SLC23A1: variants seen among roughly 807,000 people sequenced by gnomAD.
SLC23A1 encodes solute carrier family 23 member 1.
Under a neutral mutation model 62.5 loss-of-function variants are expected in SLC23A1, and 31 were observed. That is an observed-to-expected ratio of 0.50 (90% CI 0.37 to 0.67). The LOEUF (loss-of-function observed/expected upper bound fraction) is 0.67, where lower values mean the gene tolerates loss of function less well. Ranked by LOEUF, SLC23A1 falls within the 30% of genes least tolerant of loss-of-function variation. SLC23A1 has a pLI of 0.00. For missense variants in SLC23A1, 640 were observed against 782.7 expected (o/e 0.82, Z 2.18); for synonymous variants, 271 against 313.2 (o/e 0.87, Z 1.42).
intron 14 of SLC23A1, chr5:139,369,042 A>G (rs1035591935): frequency 8.0e-6 from 3 of 374,452 alleles, no homozygotes; most frequent in Non-Finnish European, 1.4e-5. Flanking sequence ...AAGAAGCACC[A>G]GTCAAGTTGT....
At chr5:139,369,288 G>A (rs1475177537) in intron 14 of SLC23A1, 2 of 153,138 alleles carry the variant, frequency 1.3e-5, no homozygotes, top group Admixed American at 6.5e-5. Context: ...TCATATTACT[G>A]AGGCTACAAG....
chr5:139,373,067 A>G (rs998687337), intron 13 of SLC23A1, among the ~76,000 whole-genome samples: 4 of 152,212 alleles, frequency 2.6e-5, no homozygotes, highest in Non-Finnish European at 5.9e-5. Context: ...TTATGATTCC[A>G]TATGTGAAAA....
intron 13 of SLC23A1, among the ~76,000 whole-genome samples, chr5:139,376,464 G>A (rs1757952545): frequency 6.6e-6 from 1 of 152,112 alleles, no homozygotes; most frequent in African/African-American, 2.4e-5. Context: ...CACCATGCTC[G>A]GCCGTGATGT....
intron 1 of SLC23A1, 26 bp downstream of exon 1, chr5:139,383,192 T>A: frequency 1.1e-5 from 1 of 91,178 alleles, no homozygotes; most frequent in South Asian, 1.3e-4. Context: ...CTGCCCCCCC[T>A]AGCCCCCACC....
In SLC23A1 at chr5:139,379,587, A is replaced by T; in HGVS notation, c.925+91T>A. Reference sequence around the variant, plus strand: ...GCACTATAAATGTGCGGCTAATGCTAGGTGTGTCACCTGCTGGATTGGGGT... The same window carrying T: ...GCACTATAAATGTGCGGCTAATGCTTGGTGTGTCACCTGCTGGATTGGGGT... On this transcript the variant is annotated intron_variant, in intron 8 of 14. Coordinates refer to ENST00000348729, the MANE Select transcript of SLC23A1 (RefSeq NM_005847.5). The surrounding 1 kb of genome is among the most constrained non-coding windows in gnomAD (Gnocchi z 4.7). 1 of 1,270,940 alleles carries T rather than the reference A, an allele frequency of 7.9e-7. No individual in the cohort carries two copies. Among genetic ancestry groups the T allele is most frequent in the Non-Finnish European group, 1.1e-6 (1 of 888,646 alleles). 78.7% of individuals were successfully genotyped at this position (1,270,940 alleles called of 1,614,324 possible).
At position 139,378,313 on chromosome 5, in the gene SLC23A1, G is replaced by A. The variant is rs749403178; in HGVS notation, c.1218C>T (p.Ile406=). 6.3e-7 allele frequency: 1 copy of A among 1,586,908 alleles called. No individual in the cohort carries two copies. The highest frequency in any genetic ancestry group is 1.8e-5 in the Admixed American group (1 of 55,954). The change falls in exon 11 of 15, where the codon ATC becomes ATT. Residue 406 remains isoleucine (I), a synonymous_variant. Transcript: ENST00000348729. The surrounding 1 kb of genome is among the most constrained non-coding windows in gnomAD (Gnocchi z 4.5). ...TGCCGATGGTGCCCAGGACCAGCAT[G>A]ATAGCCGCACCATACTGCACCACGC... is the stretch of plus-strand genomic sequence containing the variant. ...SRRVVQYGAA[I]MLVLGTIGKF... is the part of the protein sequence containing the mutation.
At chr5:139,372,503 T>A (rs1363935861) in intron 13 of SLC23A1, among the ~76,000 whole-genome samples, 1 of 152,236 alleles carries the variant, frequency 6.6e-6, no homozygotes, top group Non-Finnish European at 1.5e-5. Context: ...TGCTAAGTGC[T>A]TTAATTTCAT....
At chr5:139,370,803 G>T (rs1225885652) in intron 14 of SLC23A1, among the ~76,000 whole-genome samples, 2 of 151,938 alleles carry the variant, frequency 1.3e-5, no homozygotes, top group Non-Finnish European at 2.9e-5. Context: ...AGAAAAGGGG[G>T]CTCTAGGCTG....
At position 139,378,062 on chromosome 5, in the gene SLC23A1, G is replaced by A. The variant is rs1758030590; in HGVS notation, c.1366C>T (p.Arg456Cys). The A allele has an allele frequency of 2.5e-6, 4 of 1,614,048 alleles. No individual in the cohort carries two copies. Among genetic ancestry groups the A allele is most frequent in the East Asian group, 2.2e-5 (1 of 44,896 alleles). Reference sequence around the variant, plus strand: ...GAAAATCCCAGCACGAAGAGGTTGCGAGAGGAGTTCATGTCCACAAATTGC... The same window carrying A: ...GAAAATCCCAGCACGAAGAGGTTGCAAGAGGAGTTCATGTCCACAAATTGC... ...NLQFVDMNSS[R>C]NLFVLGFSMF... Residue 456 changes from arginine (R) to cysteine (C), a missense_variant, in exon 12 of 15, where the codon CGC becomes TGC. Transcript: ENST00000348729. The surrounding 1 kb of genome is among the most constrained non-coding windows in gnomAD (Gnocchi z 4.5).
rs1022502156 is a variant in SLC23A1, at chr5:139,379,894, G to A, written c.769-60C>T. 9.3e-6 allele frequency: 15 copies of A among 1,613,638 alleles called. No homozygotes were observed. In the African/African-American group the frequency reaches 1.7e-4, roughly 19 times the overall value. On this transcript the variant is annotated intron_variant, in intron 7 of 14. Transcript: ENST00000348729. This position sits in a 1 kb window ranked among gnomAD's most constrained non-coding sequence, Gnocchi z 4.7. ...TGGAGGTCTCTGTCCAGGCTAACCTGCTCCCACCTCAGCCCAAGCCCTGGC... is the reference window on the plus strand; with the variant it reads ...TGGAGGTCTCTGTCCAGGCTAACCTACTCCCACCTCAGCCCAAGCCCTGGC...
Position 139,379,465 on chromosome 5 carries a change from G to C in SLC23A1, c.926-111C>G. 2.6e-6 allele frequency: 3 copies of C among 1,156,266 alleles called. No homozygotes were observed. Among genetic ancestry groups the C allele is most frequent in the Non-Finnish European group, 3.8e-6 (3 of 781,392 alleles). The allele number at this position is 1,156,266 out of a possible 1,614,324, so 71.6% of individuals were successfully genotyped here. On this transcript the variant is annotated intron_variant, in intron 8 of 14. Transcript: ENST00000348729. This position sits in a 1 kb window ranked among gnomAD's most constrained non-coding sequence, Gnocchi z 4.7. ...GAGCAGATCAGGAGACCTCAGGCTG[G>C]GATGGGAGCTATACAGTTGTGGGAG...
upstream of SLC23A1, among the ~76,000 whole-genome samples, chr5:139,384,054 C>T (rs1342769709): frequency 2.0e-5 from 3 of 152,248 alleles, no homozygotes; most frequent in Non-Finnish European, 4.4e-5. Context: ...AATGTGAGGC[C>T]TTTATTCCAA....
intron 14 of SLC23A1, among the ~76,000 whole-genome samples, chr5:139,370,829 GCCTGTAATCCCAGT>G (rs1441899413): frequency 6.6e-6 from 1 of 152,036 alleles, no homozygotes; most frequent in African/African-American, 2.4e-5. Context: ...GGTGGCTCAC[GCCTGTAATCCCAGT>G]ACTTTGGGAG....
At chr5:139,381,210 G>A (rs921366307) in intron 3 of SLC23A1, among the ~76,000 whole-genome samples, 7 of 152,190 alleles carry the variant, frequency 4.6e-5, no homozygotes, top group African/African-American at 1.4e-4. Flanking sequence ...CCTGTCCCCC[G>A]CTGCTCAAAC....
chr5:139,384,474 C>T, upstream of SLC23A1: 1 of 1,289,874 alleles, frequency 7.8e-7, no homozygotes, highest in Non-Finnish European at 1.0e-6. Flanking sequence ...TGCCGGTGTC[C>T]ACACTGTTCC....
In SLC23A1 at chr5:139,379,654, A is replaced by G; in HGVS notation, c.925+24T>C. The G allele has an allele frequency of 1.3e-6, 2 of 1,591,708 alleles. No individual in the cohort carries two copies. The highest frequency in any genetic ancestry group is 1.7e-6 in the Non-Finnish European group (2 of 1,166,652). On this transcript the variant is annotated intron_variant, in intron 8 of 14. Transcript: ENST00000348729. The surrounding 1 kb of genome is among the most constrained non-coding windows in gnomAD (Gnocchi z 4.7). ...CATAGGTGGTCTCAGTTGGGGGCAGAGGGGCCCAAGGGGTGTTGCTCACAG... is the reference window on the plus strand; with the variant it reads ...CATAGGTGGTCTCAGTTGGGGGCAGGGGGGCCCAAGGGGTGTTGCTCACAG...
At chr5:139,373,566 AAG>A (rs1180635072) in intron 13 of SLC23A1, among the ~76,000 whole-genome samples, 2 of 140,180 alleles carry the variant, frequency 1.4e-5, no homozygotes. Flanking sequence ...GGGATCGACA[AAG>A]ACTGAAATAC....
At chr5:139,368,198 C>T (rs1285498265) in intron 14 of SLC23A1, among the ~76,000 whole-genome samples, 2 of 152,038 alleles carry the variant, frequency 1.3e-5, no homozygotes, top group Middle Eastern at 3.4e-3. Flanking sequence ...ATTAGCTGGG[C>T]GTGGCGGTGG....
rs749962991 is a variant in SLC23A1 at position 139,378,213 on chromosome 5, G to C, written c.1309+9C>G. 3 of 1,613,052 alleles carry C rather than the reference G, an allele frequency of 1.9e-6. No individual in the cohort carries two copies. The African/African-American group carries it at 4.0e-5, about 22-fold the overall frequency. ...GCACCGCGACCCGTGGCCCGCGCCA[G>C]ACACTCACCAAAGAGAGTGCAGAAC... On this transcript the variant is annotated intron_variant, in intron 11 of 14. Transcript: ENST00000348729. This position sits in a 1 kb window ranked among gnomAD's most constrained non-coding sequence, Gnocchi z 4.5.
Sources: gnomAD v4.1 joint callset for allele counts (sites outside exome capture counted in the v4.1 genomes callset) on GRCh38, gnomAD v4.1.1 for gene constraint, Gnocchi (gnomAD v3.1) non-coding constraint, MANE v1.5 for transcripts, NCBI Gene and HGNC (gene_info 2026-07-23, HGNC 2026-07-21) for gene names.